The following LRBA variants were observed in gnomAD, a reference collection of about 807,000 sequenced individuals.
LRBA encodes LPS responsive beige-like anchor protein, also known as lipopolysaccharide-responsive and beige-like anchor protein.
In LRBA, 176 loss-of-function variants were observed where a neutral mutation model predicts 330.0. The ratio of observed to expected loss-of-function variants is 0.53; its 90% CI spans 0.47 to 0.60. The LOEUF (loss-of-function observed/expected upper bound fraction) is 0.60. Ranked by LOEUF, LRBA falls within the 20% of genes least tolerant of loss-of-function variation. The pLI, the probability that LRBA is intolerant of heterozygous loss-of-function variation, is 0.00. For missense variants in LRBA, 3,259 were observed against 3,444.8 expected (o/e 0.95, Z 1.35); for synonymous variants, 1,230 against 1,193.0 (o/e 1.03, Z -0.64).
intron 33 of LRBA, among the ~76,000 whole-genome samples, chr4:150,805,788 GT>G: frequency 6.6e-6 from 1 of 152,148 alleles, no homozygotes; most frequent in Middle Eastern, 3.4e-3. Flanking sequence ...ATGCTATCTA[GT>G]TTGACAATCT....
At chr4:150,342,249 GAATA>G (rs1355973454) in intron 48 of LRBA, among the ~76,000 whole-genome samples, 1 of 151,744 alleles carries the variant, frequency 6.6e-6, no homozygotes, top group Non-Finnish European at 1.5e-5. Context: ...AAAATCAGCA[GAATA>G]ATCAGAAAAT....
At chr4:150,802,094 C>A (rs1741721155) in intron 33 of LRBA, among the ~76,000 whole-genome samples, 1 of 150,756 alleles carries the variant, frequency 6.6e-6, no homozygotes, top group South Asian at 2.1e-4. Flanking sequence ...GTGACATGCG[C>A]CTGTAGTCCC....
chr4:150,337,611 C>G (rs888978514), intron 48 of LRBA, among the ~76,000 whole-genome samples: 9 of 152,196 alleles, frequency 5.9e-5, no homozygotes. Context: ...AGTTCCTGCC[C>G]TGCACTGTGT....
At chr4:150,705,259 G>GA (rs1785507250) in intron 36 of LRBA, among the ~76,000 whole-genome samples, 1 of 152,064 alleles carries the variant, frequency 6.6e-6, no homozygotes, top group Non-Finnish European at 1.5e-5. Context: ...ATCTGGGAAG[G>GA]AAAAACAATG....
intron 36 of LRBA, among the ~76,000 whole-genome samples, chr4:150,693,703 G>T (rs922424014): frequency 2.6e-5 from 4 of 152,080 alleles, no homozygotes; most frequent in Admixed American, 2.6e-4. Context: ...GCAGAAAGGG[G>T]TTGTGATTGG....
At chr4:150,713,145 A>C (rs1441701302) in intron 36 of LRBA, among the ~76,000 whole-genome samples, 2 of 152,022 alleles carry the variant, frequency 1.3e-5, no homozygotes, top group Non-Finnish European at 2.9e-5. Flanking sequence ...TATATTACTC[A>C]TGCTGGTCTC....
chr4:150,380,003 TAAAAAAAAAAAAAAA>T (rs371691815), intron 47 of LRBA, among the ~76,000 whole-genome samples: 1 of 115,242 alleles, frequency 8.7e-6, no homozygotes, highest in South Asian at 2.8e-4. Flanking sequence ...TTTCTACTAC[TAAAAAAAAAAAAAAA>T]AAAAAAAAAA....
At chr4:150,579,611 G>A (rs1055359760) in intron 40 of LRBA, 1 of 455,544 alleles carries the variant, frequency 2.2e-6, no homozygotes, top group Non-Finnish European at 4.4e-6. Context: ...AAGTGGAGAA[G>A]CGTAGGGGCA....
rs151023963 is a variant in LRBA, at chr4:150,399,203, G to A, written c.7194+16235C>T. On this transcript the variant is annotated intron_variant, in intron 47 of 56. Coordinates refer to ENST00000651943, the MANE Select transcript of LRBA (RefSeq NM_001364905.1). Reference sequence around the variant, plus strand: ...GCCCATCCTGCATGGACTATTTTGCGTCACTTATTTTATGAATATCACTAT... The same window carrying A: ...GCCCATCCTGCATGGACTATTTTGCATCACTTATTTTATGAATATCACTAT... 7.9e-5 allele frequency among the ~76,000 whole-genome samples: 12 copies of A among 151,938 alleles called. No individual in the cohort carries two copies. In the East Asian group the frequency reaches 1.2e-3, roughly 15 times the overall value.
intron 36 of LRBA, among the ~76,000 whole-genome samples, chr4:150,715,707 T>C (rs1301094182): frequency 6.6e-5 from 10 of 152,160 alleles, no homozygotes; most frequent in Admixed American, 3.3e-4. Context: ...TGTTGGTGAG[T>C]TACAGACACT....
intron 40 of LRBA, among the ~76,000 whole-genome samples, chr4:150,569,485 T>A (rs1157285804): frequency 6.6e-6 from 1 of 152,170 alleles, no homozygotes; most frequent in Non-Finnish European, 1.5e-5. Flanking sequence ...TCAGCTTGCG[T>A]AAGTCACAAC....
chr4:150,335,485 G>A (rs1734571881), intron 48 of LRBA, among the ~76,000 whole-genome samples: 1 of 73,482 alleles, frequency 1.4e-5, no homozygotes, highest in African/African-American at 3.9e-5. Context: ...ACGTATATAT[G>A]TGTGTGTATA....
chr4:150,890,391 G>A (rs542944152), intron 17 of LRBA, among the ~76,000 whole-genome samples: 67 of 152,164 alleles, frequency 4.4e-4, no homozygotes, highest in Non-Finnish European at 7.4e-4. Flanking sequence ...AAGGGCAGAC[G>A]GGAGTTTTTG....
intron 37 of LRBA, among the ~76,000 whole-genome samples, chr4:150,623,077 A>T (rs1486838174): frequency 6.6e-6 from 1 of 152,144 alleles, no homozygotes; most frequent in African/African-American, 2.4e-5. Context: ...CCTTGGCTAA[A>T]GGCATATGTA....
chr4:150,286,314 A>T (rs1748124636), intron 53 of LRBA, among the ~76,000 whole-genome samples: 1 of 152,208 alleles, frequency 6.6e-6, no homozygotes, highest in Non-Finnish European at 1.5e-5. Context: ...AATGCCTCAT[A>T]AAAAATCAGC....
chr4:150,493,657 A>T (rs1163803970), intron 40 of LRBA, among the ~76,000 whole-genome samples: 2 of 152,126 alleles, frequency 1.3e-5, no homozygotes, highest in African/African-American at 2.4e-5. Context: ...TTTTCACTTC[A>T]TTTATTATTA....
At chr4:150,302,235 A>G (rs754550121) in intron 53 of LRBA, among the ~76,000 whole-genome samples, 12 of 151,362 alleles carry the variant, frequency 7.9e-5, no homozygotes, top group Non-Finnish European at 1.3e-4. Flanking sequence ...TTTTATCAAG[A>G]CTAGTTTGTT....
chr4:150,970,607 A>G (rs1739480082), intron 2 of LRBA: 1 of 148,528 alleles, frequency 6.7e-6, no homozygotes, highest in Non-Finnish European at 1.5e-5. Flanking sequence ...TGTAAATGTA[A>G]CTCATATGCA....
intron 17 of LRBA, among the ~76,000 whole-genome samples, chr4:150,883,117 T>G (rs141484122): frequency 1.2e-3 from 176 of 152,302 alleles, no homozygotes; most frequent in African/African-American, 3.9e-3. Context: ...TCAGTTAATA[T>G]GAAACCTTTT....
Sources: allele counts gnomAD v4.1 joint callset (sites outside exome capture counted in the v4.1 genomes callset), GRCh38; gene constraint gnomAD v4.1.1; transcripts MANE v1.5; gene names NCBI Gene and HGNC (gene_info 2026-07-23, HGNC 2026-07-21).